The following PCDHA12 variants were observed in gnomAD, a reference collection of about 807,000 sequenced individuals.
PCDHA12 encodes protocadherin alpha 12, also known as protocadherin alpha-12.
PCDHA12 carries 44 observed loss-of-function variants against 60.0 expected under a neutral mutation model. The ratio of observed to expected loss-of-function variants is 0.73; its 90% confidence interval spans 0.58 to 0.94. The LOEUF is 0.94. Among genes scored for constraint, PCDHA12 ranks in the 40% least tolerant of loss-of-function variants. PCDHA12 has a pLI of 0.00. For synonymous variants in PCDHA12, 569 were observed against 553.0 expected, an observed-to-expected ratio of 1.03 and a Z score of -0.40; for missense variants, 1,276 against 1,239.7, an observed-to-expected ratio of 1.03 and a Z score of -0.44.
At chr5:140,984,905 C>G (rs1214020745) in intron 3 of PCDHA12, among the ~76,000 whole-genome samples, 1 of 152,004 alleles carries the variant, frequency 6.6e-6, no homozygotes, top group African/African-American at 2.4e-5. Context: ...AAAAAAAGAA[C>G]TGAGCATAGT....
intron 1 of PCDHA12, chr5:140,926,540 T>G: frequency 4.6e-6 from 1 of 215,362 alleles, no homozygotes; most frequent in Non-Finnish European, 9.1e-6. Context: ...GCCAGCGTGG[T>G]GGTCGAGACC....
chr5:140,977,314 C>CTCCTGATG (rs1482871612), intron 1 of PCDHA12, among the ~76,000 whole-genome samples: 1 of 152,152 alleles, frequency 6.6e-6, no homozygotes, highest in African/African-American at 2.4e-5. Context: ...AACGATAGTG[C>CTCCTGATG]TCCTGATGGC....
At chr5:140,886,403 AT>A (rs1196342524) in intron 1 of PCDHA12, among the ~76,000 whole-genome samples, 19 of 152,184 alleles carry the variant, frequency 1.2e-4, no homozygotes, top group African/African-American at 4.6e-4. Context: ...CATCACAAAT[AT>A]GTTTTCCTCC....
intron 1 of PCDHA12, among the ~76,000 whole-genome samples, chr5:140,909,950 C>T (rs940175754): frequency 1.3e-5 from 2 of 152,168 alleles, no homozygotes; most frequent in African/African-American, 4.8e-5. Flanking sequence ...GGTAAAAAGC[C>T]GTAGGTCTCC....
chr5:140,917,370 C>G (rs571895312), intron 1 of PCDHA12, among the ~76,000 whole-genome samples: 24 of 150,458 alleles, frequency 1.6e-4, no homozygotes, highest in African/African-American at 5.8e-4. Context: ...CTATCTTGCT[C>G]CACCTCAATA....
chr5:140,885,319 T>C (rs2060561832), intron 1 of PCDHA12, among the ~76,000 whole-genome samples: 1 of 152,216 alleles, frequency 6.6e-6, no homozygotes, highest in Admixed American at 6.5e-5. Context: ...TGTTATTATT[T>C]CTTTTCCAAA....
chr5:140,940,736 A>G (rs1554213579), intron 1 of PCDHA12, among the ~76,000 whole-genome samples: 1 of 152,200 alleles, frequency 6.6e-6, no homozygotes, highest in Non-Finnish European at 1.5e-5. Flanking sequence ...GGACAGCTCC[A>G]TATTTTTATG....
At chr5:140,881,361 C>A (rs990387338) in intron 1 of PCDHA12, 6 of 985,126 alleles carry the variant, frequency 6.1e-6, no homozygotes, top group Non-Finnish European at 7.2e-6. Context: ...GCGTGGCTTT[C>A]GTATGAATTG....
intron 1 of PCDHA12, among the ~76,000 whole-genome samples, chr5:140,952,816 C>T (rs2094802630): frequency 6.6e-6 from 1 of 152,134 alleles, no homozygotes; most frequent in South Asian, 2.1e-4. Context: ...GCAGGCTGTA[C>T]AGGAAGCATG....
intron 1 of PCDHA12, among the ~76,000 whole-genome samples, chr5:140,964,114 C>T (rs1227257943): frequency 6.6e-6 from 1 of 151,992 alleles, no homozygotes; most frequent in Non-Finnish European, 1.5e-5. Context: ...TGAGCAATCA[C>T]ATTCTAACAA....
At chr5:140,892,595 A>G (rs1424989273) in intron 1 of PCDHA12, among the ~76,000 whole-genome samples, 1 of 151,958 alleles carries the variant, frequency 6.6e-6, no homozygotes, top group African/African-American at 2.4e-5. Flanking sequence ...TCATTCACCT[A>G]TTTTTTTCCT....
rs576230620 is a variant in PCDHA12 at position 140,948,680 on chromosome 5, T to C, written c.2368-30269T>C. 2.0e-5 allele frequency among the ~76,000 whole-genome samples: 3 copies of C among 151,762 alleles called. No homozygotes were observed. The South Asian group carries it at 6.2e-4, about 31-fold the overall frequency. On this transcript the variant is annotated intron_variant, in intron 1 of 3. Coordinates refer to ENST00000398631, the MANE Select transcript of PCDHA12 (RefSeq NM_018903.4). Reference sequence around the variant, plus strand: ...ATCTGTAGTGATAACATCTTTTTCATTTTTGATATTGGTGATTTGTGTTCT... The same window carrying C: ...ATCTGTAGTGATAACATCTTTTTCACTTTTGATATTGGTGATTTGTGTTCT...
chr5:140,888,197 C>T (rs190439070), intron 1 of PCDHA12, among the ~76,000 whole-genome samples: 18 of 152,162 alleles, frequency 1.2e-4, no homozygotes, highest in East Asian at 1.2e-3. Flanking sequence ...TTTACATTGT[C>T]GGATGCTGGA....
intron 3 of PCDHA12, among the ~76,000 whole-genome samples, chr5:140,999,861 A>G (rs1181249308): frequency 6.6e-6 from 1 of 152,184 alleles, no homozygotes; most frequent in Non-Finnish European, 1.5e-5. Flanking sequence ...TTCCGCTCCA[A>G]GATTACTGAA....
Position 140,982,278 on chromosome 5 carries a change from A to G in PCDHA12, c.2427-197A>G, listed in dbSNP as rs997424016. On this transcript the variant is annotated intron_variant, in intron 2 of 3. Transcript: ENST00000398631. ...ATGTGTGTTCCTGGAATAGTATAGC[A>G]GGCAATAAGTAAGTCAGCAATGCTT... 8.2e-6 allele frequency: 8 copies of G among 980,114 alleles called. No homozygotes were observed. In the South Asian group the frequency reaches 1.1e-4, roughly 14 times the overall value. The allele number at this position is 980,114 out of a possible 1,614,324, so 60.7% of individuals were successfully genotyped here.
chr5:140,927,756 T>G (rs782307164), intron 1 of PCDHA12: 2 of 1,614,012 alleles, frequency 1.2e-6, no homozygotes, highest in South Asian at 1.1e-5. Flanking sequence ...ACGTGCACCC[T>G]AAAAGTGGGG....
intron 1 of PCDHA12, among the ~76,000 whole-genome samples, chr5:140,915,168 C>T (rs181934284): frequency 6.0e-4 from 92 of 152,112 alleles, no homozygotes; most frequent in Middle Eastern, 3.4e-3. Context: ...AGGATAGTCT[C>T]GATCTCTTGA....
At chr5:140,968,563 T>G in intron 1 of PCDHA12, 1 of 1,614,204 alleles carries the variant, frequency 6.2e-7, no homozygotes, top group South Asian at 1.1e-5. Context: ...GAACTGCCCC[T>G]GCTGGCTACC....
At chr5:140,885,736 C>T (rs1457106867) in intron 1 of PCDHA12, among the ~76,000 whole-genome samples, 1 of 152,060 alleles carries the variant, frequency 6.6e-6, no homozygotes, top group African/African-American at 2.4e-5. Context: ...AATGATATTT[C>T]ACTGTTACTT....
Sources: allele counts gnomAD v4.1 joint callset (sites outside exome capture counted in the v4.1 genomes callset), GRCh38; gene constraint gnomAD v4.1.1; transcripts MANE v1.5; gene names NCBI Gene and HGNC (gene_info 2026-07-23, HGNC 2026-07-21).